The following NCKAP5 variants were observed in gnomAD, a reference collection of about 807,000 sequenced individuals.
The protein encoded by NCKAP5 is NCK associated protein 5.
NCKAP5 carries 92 observed loss-of-function variants against 167.0 expected under a neutral mutation model. The observed-to-expected ratio is 0.55, with a 90% confidence interval of 0.47 to 0.66. NCKAP5 has a LOEUF of 0.66. NCKAP5 is among the 30% of genes least tolerant of loss of function. The probability of loss-of-function intolerance (pLI) is 0.00; values close to 1 mark genes in which losing one functional copy is unlikely to be tolerated. For synonymous variants in NCKAP5, 891 were observed against 877.4 expected (o/e 1.02, Z -0.27); for missense variants, 2,378 against 2,315.0 (o/e 1.03, Z -0.56).
At chr2:132,739,931 T>C (rs1312226159) in intron 16 of NCKAP5, among the ~76,000 whole-genome samples, 3 of 152,164 alleles carry the variant, frequency 2.0e-5, no homozygotes, top group Non-Finnish European at 4.4e-5. Flanking sequence ...TGATTCTCCC[T>C]TGTTTACAGA....
intron 6 of NCKAP5, among the ~76,000 whole-genome samples, chr2:133,116,507 A>G (rs2082089974): frequency 1.2e-5 from 1 of 85,158 alleles, no homozygotes; most frequent in African/African-American, 6.5e-5. Context: ...AAAAAAAAAA[A>G]AAAAAAAAAG....
At chr2:133,174,505 A>T (rs2084374522) in intron 5 of NCKAP5, among the ~76,000 whole-genome samples, 1 of 152,190 alleles carries the variant, frequency 6.6e-6, no homozygotes, top group Non-Finnish European at 1.5e-5. Context: ...TTATGGACTC[A>T]AGGAAATTTA....
At chr2:132,973,541 A>G (rs1395587209) in intron 7 of NCKAP5, among the ~76,000 whole-genome samples, 1 of 152,178 alleles carries the variant, frequency 6.6e-6, no homozygotes, top group Non-Finnish European at 1.5e-5. Flanking sequence ...AAATTTATAC[A>G]ACTTTGATCA....
chr2:132,751,142 G>C (rs1380117148), intron 16 of NCKAP5, among the ~76,000 whole-genome samples: 1 of 151,620 alleles, frequency 6.6e-6, no homozygotes, highest in African/African-American at 2.4e-5. Flanking sequence ...TTGGATCATA[G>C]GGGTGGATCC....
At chr2:132,844,850 G>C (rs1688550459) in intron 11 of NCKAP5, among the ~76,000 whole-genome samples, 1 of 152,142 alleles carries the variant, frequency 6.6e-6, no homozygotes, top group Admixed American at 6.6e-5. Flanking sequence ...TGCCACCCAA[G>C]AATTGCTGTA....
chr2:133,290,137 C>T (rs1040273582), intron 4 of NCKAP5, among the ~76,000 whole-genome samples: 1 of 152,140 alleles, frequency 6.6e-6, no homozygotes, highest in Admixed American at 6.5e-5. Flanking sequence ...TTATCAATAC[C>T]TTCTCCGTAA....
chr2:133,534,057 A>C (rs1369200034), intron 2 of NCKAP5, among the ~76,000 whole-genome samples: 1 of 152,214 alleles, frequency 6.6e-6, no homozygotes, highest in African/African-American at 2.4e-5. Context: ...TCTATACGTC[A>C]CATTTTGCTG....
At chr2:133,186,193 G>T (rs1574308887) in intron 5 of NCKAP5, among the ~76,000 whole-genome samples, 1 of 152,050 alleles carries the variant, frequency 6.6e-6, no homozygotes, top group African/African-American at 2.4e-5. Context: ...TTTGTTTAAG[G>T]CTTTTTAGGT....
At chr2:132,697,350 CA>C (rs748881127) in intron 19 of NCKAP5, among the ~76,000 whole-genome samples, 12 of 152,154 alleles carry the variant, frequency 7.9e-5, no homozygotes, top group Non-Finnish European at 1.8e-4. Context: ...ATATTTTGTA[CA>C]TTTAAATTTT....
At chr2:133,601,726 CAATAAATA>C in the NCKAP5 span, among the ~76,000 whole-genome samples, 1 of 151,944 alleles carries the variant, frequency 6.6e-6, no homozygotes, top group Non-Finnish European at 1.5e-5. Context: ...GAGCAGGACT[CAATAAATA>C]AATAAATAAA....
intron 3 of NCKAP5, among the ~76,000 whole-genome samples, chr2:133,349,376 A>T (rs984843626): frequency 2.0e-4 from 30 of 152,164 alleles, no homozygotes; most frequent in African/African-American, 6.0e-4. Flanking sequence ...AGCAGCACAC[A>T]CCTGGTTCAT....
intron 1 of NCKAP5, among the ~76,000 whole-genome samples, chr2:133,563,577 A>T (rs1688332479): frequency 2.0e-5 from 3 of 150,464 alleles, no homozygotes; most frequent in African/African-American, 7.3e-5. Flanking sequence ...AAAAAAAAAA[A>T]AAAAAAAAAA....
At chr2:133,162,458 A>T (rs1280168041) in intron 5 of NCKAP5, among the ~76,000 whole-genome samples, 1 of 152,218 alleles carries the variant, frequency 6.6e-6, no homozygotes, top group Non-Finnish European at 1.5e-5. Context: ...TTAAAGCTGC[A>T]GAAACATATT....
At chr2:133,212,456 C>T (rs1438474819) in intron 5 of NCKAP5, among the ~76,000 whole-genome samples, 1 of 152,186 alleles carries the variant, frequency 6.6e-6, no homozygotes, top group African/African-American at 2.4e-5. Flanking sequence ...CAACCTCCGC[C>T]TCCCAGGTTC....
At chr2:133,481,156 T>A (rs559287721) in intron 3 of NCKAP5, among the ~76,000 whole-genome samples, 1 of 152,306 alleles carries the variant, frequency 6.6e-6, no homozygotes, top group East Asian at 1.9e-4. Flanking sequence ...TTCTGAAACA[T>A]CTGACAGTAT....
chr2:133,026,842 G>A (rs115547809), intron 6 of NCKAP5, among the ~76,000 whole-genome samples: 302 of 152,178 alleles, frequency 2.0e-3, no homozygotes, highest in African/African-American at 6.1e-3. Context: ...TACACTTCTC[G>A]CTTGATGAAT....
chr2:133,394,691 T>C (rs1225531544), intron 3 of NCKAP5, among the ~76,000 whole-genome samples: 1 of 152,166 alleles, frequency 6.6e-6, no homozygotes, highest in Admixed American at 6.5e-5. Flanking sequence ...AACCATTTTG[T>C]TGGATGAACT....
chr2:133,151,967 C>A (rs2083399616), intron 5 of NCKAP5, among the ~76,000 whole-genome samples: 1 of 151,964 alleles, frequency 6.6e-6, no homozygotes, highest in Non-Finnish European at 1.5e-5. Flanking sequence ...CAACAACCTG[C>A]ACATGAATGT....
In NCKAP5 at chr2:133,080,727, C is replaced by G. The variant is rs11885565; in HGVS notation, c.341+49251G>C. Among the ~76,000 whole-genome samples, 864 of 152,222 alleles carry G rather than the reference C, an allele frequency of 5.7e-3. 8 individuals are homozygous for G. The highest frequency in any genetic ancestry group is 0.019 in the African/African-American group (777 of 41,532). On this transcript the variant is annotated intron_variant, in intron 6 of 19. Transcript: ENST00000409261. ...CACTGTGAGGCATGGTGTCTACTCT[C>G]AAGGAACTTGAAATATAATTGTGGA... is the stretch of plus-strand genomic sequence containing the variant.
Sources: gnomAD v4.1 joint callset for allele counts (sites outside exome capture counted in the v4.1 genomes callset) on GRCh38, gnomAD v4.1.1 for gene constraint, MANE v1.5 for transcripts, NCBI Gene and HGNC (gene_info 2026-07-23, HGNC 2026-07-21) for gene names.